Variants in CCSER1 observed in about 807,000 individuals in gnomAD.
The protein encoded by CCSER1 is coiled-coil serine rich protein 1.
CCSER1 carries 41 observed loss-of-function variants against 82.0 expected under a neutral mutation model. The observed-to-expected ratio is 0.50, with a 90% CI of 0.39 to 0.65. The LOEUF is 0.65. Ranked by LOEUF, CCSER1 falls within the 30% of genes least tolerant of loss-of-function variation. CCSER1 has a pLI of 0.00. For missense variants in CCSER1, 1,119 were observed against 1,064.2 expected (o/e 1.05, Z -0.72); for synonymous variants, 414 against 383.9 (o/e 1.08, Z -0.92).
At chr4:90,781,193 G>A (rs180889306) in intron 7 of CCSER1, 7 of 878,388 alleles carry the variant, frequency 8.0e-6, no homozygotes, top group East Asian at 1.2e-4. Flanking sequence ...ATCACAACTC[G>A]ACATGAGATT....
At chr4:91,547,082 G>T (rs922223261) in intron 10 of CCSER1, among the ~76,000 whole-genome samples, 1 of 148,374 alleles carries the variant, frequency 6.7e-6, no homozygotes. Context: ...TTTAATTCTA[G>T]AACTTAGTCT....
intron 10 of CCSER1, among the ~76,000 whole-genome samples, chr4:91,377,326 C>T (rs993956855): frequency 1.3e-5 from 2 of 152,210 alleles, no homozygotes; most frequent in African/African-American, 4.8e-5. Flanking sequence ...AATCGCCACA[C>T]TGTCTTCCAC....
intron 9 of CCSER1, among the ~76,000 whole-genome samples, chr4:90,963,128 T>C (rs1226139290): frequency 3.9e-5 from 6 of 152,196 alleles, no homozygotes; most frequent in Non-Finnish European, 8.8e-5. Flanking sequence ...TGGATATTTA[T>C]AGTTGTACTG....
At chr4:91,434,455 G>A (rs1400904252) in intron 10 of CCSER1, among the ~76,000 whole-genome samples, 1 of 152,066 alleles carries the variant, frequency 6.6e-6, no homozygotes, top group Non-Finnish European at 1.5e-5. Flanking sequence ...AACAGCAGAA[G>A]CCTAACAAAA....
intron 8 of CCSER1, among the ~76,000 whole-genome samples, chr4:90,870,956 T>A (rs531717999): frequency 6.6e-6 from 1 of 151,174 alleles, no homozygotes; most frequent in East Asian, 1.9e-4. Flanking sequence ...ATTTTTTCTA[T>A]TTTTTCCTTT....
intron 10 of CCSER1, among the ~76,000 whole-genome samples, chr4:91,310,761 G>T (rs1002921900): frequency 6.6e-6 from 1 of 151,864 alleles, no homozygotes; most frequent in Non-Finnish European, 1.5e-5. Context: ...AGTCTAATCT[G>T]ATCTTGTCAA....
At chr4:90,404,360 C>G (rs991649032) in intron 4 of CCSER1, among the ~76,000 whole-genome samples, 33 of 152,146 alleles carry the variant, frequency 2.2e-4, no homozygotes, top group Non-Finnish European at 1.8e-4. Context: ...TCCCTACCCC[C>G]ACCTGGTGGT....
At chr4:90,880,311 T>C (rs1214457460) in intron 8 of CCSER1, among the ~76,000 whole-genome samples, 1 of 152,128 alleles carries the variant, frequency 6.6e-6, no homozygotes, top group Non-Finnish European at 1.5e-5. Flanking sequence ...GCTTGTCTCC[T>C]GGGGGCTCCA....
chr4:90,241,512 A>T (rs1249411625), intron 1 of CCSER1, among the ~76,000 whole-genome samples: 1 of 152,220 alleles, frequency 6.6e-6, no homozygotes, highest in East Asian at 1.9e-4. Context: ...AATGGCAATC[A>T]CATTTTATTT....
At chr4:91,347,908 T>C (rs1286698106) in intron 10 of CCSER1, among the ~76,000 whole-genome samples, 1 of 152,000 alleles carries the variant, frequency 6.6e-6, no homozygotes, top group Non-Finnish European at 1.5e-5. Context: ...AATAATCATG[T>C]CACCACCTTA....
At chr4:90,789,966 C>A (rs1356922837) in intron 7 of CCSER1, among the ~76,000 whole-genome samples, 2 of 152,096 alleles carry the variant, frequency 1.3e-5, no homozygotes, top group African/African-American at 4.8e-5. Flanking sequence ...TATTTGCTCT[C>A]AACAGGAGTG....
At chr4:90,337,574 A>G (rs1223207652) in intron 3 of CCSER1, among the ~76,000 whole-genome samples, 1 of 152,128 alleles carries the variant, frequency 6.6e-6, no homozygotes, top group Non-Finnish European at 1.5e-5. Flanking sequence ...TGAGATATAT[A>G]GATAGTAATT....
intron 10 of CCSER1, among the ~76,000 whole-genome samples, chr4:91,202,663 T>C (rs1735998581): frequency 1.2e-5 from 1 of 85,424 alleles, no homozygotes; most frequent in Non-Finnish European, 2.3e-5. Flanking sequence ...TTGACCTTCA[T>C]AAAAATGTAG....
intron 10 of CCSER1, among the ~76,000 whole-genome samples, chr4:91,213,162 C>T (rs1305248807): frequency 2.0e-5 from 3 of 151,976 alleles, no homozygotes; most frequent in Non-Finnish European, 4.4e-5. Flanking sequence ...TGGTTGATTC[C>T]ATGTCTTTGA....
intron 4 of CCSER1, among the ~76,000 whole-genome samples, chr4:90,416,474 A>G (rs1485115606): frequency 6.6e-6 from 1 of 152,210 alleles, no homozygotes; most frequent in Non-Finnish European, 1.5e-5. Flanking sequence ...TTCTGAGCTC[A>G]GTTTCCTCAT....
chr4:90,198,947 C>T (rs1179990412), intron 1 of CCSER1, among the ~76,000 whole-genome samples: 1 of 152,052 alleles, frequency 6.6e-6, no homozygotes, highest in Non-Finnish European at 1.5e-5. Flanking sequence ...AACTTTAAAA[C>T]AATTTTTTTT....
intron 10 of CCSER1, among the ~76,000 whole-genome samples, chr4:91,231,293 A>G (rs1738608620): frequency 6.6e-6 from 1 of 151,944 alleles, no homozygotes; most frequent in African/African-American, 2.4e-5. Context: ...ATTAATTCAT[A>G]GATATGTCCA....
chr4:90,551,127 A>C (rs550298750), intron 5 of CCSER1, among the ~76,000 whole-genome samples: 1 of 152,128 alleles, frequency 6.6e-6, no homozygotes, highest in Non-Finnish European at 1.5e-5. Flanking sequence ...TATGTCATAA[A>C]TTTATATAGT....
intron 9 of CCSER1, among the ~76,000 whole-genome samples, chr4:91,051,551 T>C (rs1743007291): frequency 6.6e-6 from 1 of 152,262 alleles, no homozygotes; most frequent in South Asian, 2.1e-4. Flanking sequence ...CTTAAAGATT[T>C]ATGTACAGTT....
Sources: allele counts gnomAD v4.1 joint callset (sites outside exome capture counted in the v4.1 genomes callset), GRCh38; gene constraint gnomAD v4.1.1; transcripts MANE v1.5; gene names NCBI Gene and HGNC (gene_info 2026-07-23, HGNC 2026-07-21).